Variants in ASIC2 observed in about 807,000 individuals in gnomAD.
The protein encoded by ASIC2 is acid-sensing ion channel 2.
A neutral mutation model predicts 57.3 loss-of-function variants in ASIC2; 25 were observed. The observed-to-expected ratio is 0.44, with a 90% confidence interval of 0.32 to 0.61. The LOEUF is 0.61. Ranked by LOEUF, ASIC2 falls within the 20% of genes least tolerant of loss-of-function variation. The pLI is 0.06. For missense variants in ASIC2, 641 were observed against 738.1 expected (o/e 0.87, Z 1.52); for synonymous variants, 319 against 307.5 (o/e 1.04, Z -0.39).
At chr17:33,803,080 A>G (rs939287425) in intron 1 of ASIC2, among the ~76,000 whole-genome samples, 3 of 152,200 alleles carry the variant, frequency 2.0e-5, no homozygotes, top group Non-Finnish European at 4.4e-5. Context: ...GAAATGCTGA[A>G]GGAAAGGATC....
intron 1 of ASIC2, among the ~76,000 whole-genome samples, chr17:33,550,765 A>G (rs1167074851): frequency 6.6e-6 from 1 of 152,222 alleles, no homozygotes; most frequent in Non-Finnish European, 1.5e-5. Context: ...GAGAAGGTAC[A>G]TTTGCAGTGG....
chr17:33,622,729 C>T (rs759087977), intron 1 of ASIC2, among the ~76,000 whole-genome samples: 3 of 152,176 alleles, frequency 2.0e-5, no homozygotes, highest in Non-Finnish European at 2.9e-5. Flanking sequence ...CTAATCAGGG[C>T]CTGGCAAATA....
At chr17:33,270,269 TA>T (rs1904431843) in intron 1 of ASIC2, among the ~76,000 whole-genome samples, 1 of 152,220 alleles carries the variant, frequency 6.6e-6, no homozygotes. Context: ...TTTGAAATGA[TA>T]AGCCTCCATA....
At position 34,064,321 on chromosome 17, in the gene ASIC2, C is replaced by T. The variant is rs145845980; in HGVS notation, c.555+91657G>A. Among the ~76,000 whole-genome samples the T allele has an allele frequency of 9.5e-3, 1,452 of 152,252 alleles. 19 individuals are homozygous for T. Among genetic ancestry groups the T allele is most frequent in the Non-Finnish European group, 0.011 (767 of 68,020 alleles). On this transcript the variant is annotated intron_variant, in intron 1 of 9. Transcript: ENST00000359872. ...AATGGTGCTGGGATAATTGGCTAGC[C>T]ACCTGTAGGAGAATGAAACTGGATC...
At chr17:33,969,197 G>T (rs113872774) in intron 1 of ASIC2, among the ~76,000 whole-genome samples, 13 of 152,244 alleles carry the variant, frequency 8.5e-5, no homozygotes, top group South Asian at 6.2e-4. Flanking sequence ...TTCTAGTTTT[G>T]GTCCCTCGCT....
intron 9 of ASIC2, among the ~76,000 whole-genome samples, chr17:33,014,358 G>T (rs2091794783): frequency 6.6e-6 from 1 of 152,082 alleles, no homozygotes; most frequent in Admixed American, 6.5e-5. Context: ...ATATCTGAGT[G>T]GTCTGTAGCT....
At chr17:33,863,544 C>T (rs1914149243) in intron 1 of ASIC2, among the ~76,000 whole-genome samples, 1 of 152,240 alleles carries the variant, frequency 6.6e-6, no homozygotes, top group African/African-American at 2.4e-5. Context: ...GAAATGGACT[C>T]AGCATCAACT....
intron 1 of ASIC2, among the ~76,000 whole-genome samples, chr17:33,824,925 A>C (rs892796231): frequency 6.6e-6 from 1 of 152,214 alleles, no homozygotes. Flanking sequence ...GTGTGAGAAC[A>C]GACTAATACA....
rs148082038 is a variant in ASIC2, at chr17:33,936,649, G to A, written c.555+219329C>T. On this transcript the variant is annotated intron_variant, in intron 1 of 9. Transcript: ENST00000359872. ...TCAGAAGAATTTCTTGGGGGCTCTGGAGCGCCCCGCAGAACCACCTCAAGG... is the reference window on the plus strand; with the variant it reads ...TCAGAAGAATTTCTTGGGGGCTCTGAAGCGCCCCGCAGAACCACCTCAAGG... 4.5e-4 allele frequency: 69 copies of A among 152,316 alleles called. 1 individual carries two copies. Among genetic ancestry groups the A allele is most frequent in the African/African-American group, 1.4e-3 (60 of 41,570 alleles). The allele number at this position is 152,316 out of a possible 1,614,324, so 9.4% of individuals were successfully genotyped here.
intron 1 of ASIC2, among the ~76,000 whole-genome samples, chr17:34,130,540 T>C (rs1911921490): frequency 6.6e-6 from 1 of 152,210 alleles, no homozygotes; most frequent in Admixed American, 6.5e-5. Flanking sequence ...ACAAGAAAGA[T>C]ATAGTCCCTG....
intron 1 of ASIC2, among the ~76,000 whole-genome samples, chr17:33,628,546 T>A (rs983617691): frequency 5.3e-5 from 8 of 152,074 alleles, no homozygotes; most frequent in Non-Finnish European, 1.2e-4. Flanking sequence ...TTCTCCTACC[T>A]TGACCTCCCA....
intron 1 of ASIC2, among the ~76,000 whole-genome samples, chr17:33,893,172 C>T (rs1418856306): frequency 6.6e-6 from 1 of 152,206 alleles, no homozygotes; most frequent in Non-Finnish European, 1.5e-5. Context: ...GTTGGCTGCT[C>T]AGCTGGTGCA....
At chr17:33,265,923 C>T (rs746313426) in intron 1 of ASIC2, among the ~76,000 whole-genome samples, 1 of 152,176 alleles carries the variant, frequency 6.6e-6, no homozygotes, top group Non-Finnish European at 1.5e-5. Context: ...GAAATCCAAA[C>T]TCCTGACCCT....
intron 1 of ASIC2, among the ~76,000 whole-genome samples, chr17:33,285,534 G>A (rs114909043): frequency 0.02 from 2,979 of 152,304 alleles, 87 homozygotes; most frequent in African/African-American, 0.068. Flanking sequence ...TTGATCATTT[G>A]GCTCATGCCC....
chr17:33,475,116 C>T (rs575396428), intron 1 of ASIC2, among the ~76,000 whole-genome samples: 4 of 152,180 alleles, frequency 2.6e-5, no homozygotes, highest in Non-Finnish European at 4.4e-5. Context: ...CTCCACTCCC[C>T]AACCCAGCCT....
At chr17:33,990,676 C>T (rs992629685) in intron 1 of ASIC2, among the ~76,000 whole-genome samples, 1 of 152,140 alleles carries the variant, frequency 6.6e-6, no homozygotes. Flanking sequence ...CCCTGAAAGG[C>T]TCACAGTTTC....
intron 1 of ASIC2, among the ~76,000 whole-genome samples, chr17:33,134,426 G>A (rs1002396402): frequency 2.0e-5 from 3 of 152,216 alleles, no homozygotes; most frequent in African/African-American, 7.2e-5. Context: ...AGCCCACTCA[G>A]TATTATGCCA....
At chr17:33,537,264 G>T (rs1322985096) in intron 1 of ASIC2, among the ~76,000 whole-genome samples, 7 of 152,066 alleles carry the variant, frequency 4.6e-5, no homozygotes, top group Non-Finnish European at 1.0e-4. Context: ...TGTGTTTGCT[G>T]ATCCCTTTGC....
chr17:33,770,478 G>C (rs911848687), intron 1 of ASIC2, among the ~76,000 whole-genome samples: 1 of 152,180 alleles, frequency 6.6e-6, no homozygotes, highest in African/African-American at 2.4e-5. Flanking sequence ...TGCCACGACT[G>C]CTATTTGACA....
Sources: allele counts gnomAD v4.1 joint callset (sites outside exome capture counted in the v4.1 genomes callset), GRCh38; gene constraint gnomAD v4.1.1; transcripts MANE v1.5; gene names NCBI Gene and HGNC (gene_info 2026-07-23, HGNC 2026-07-21).